The following SREBF1 variants were observed in gnomAD, a reference collection of about 807,000 sequenced individuals.
SREBF1 encodes the protein sterol regulatory element-binding protein 1.
SREBF1 carries 45 observed loss-of-function variants against 100.1 expected under a neutral mutation model. The ratio of observed to expected loss-of-function variants is 0.45; its 90% CI spans 0.35 to 0.58. The LOEUF (loss-of-function observed/expected upper bound fraction) is 0.58, where lower values mean the gene tolerates loss of function less well. Among genes scored for constraint, SREBF1 ranks in the 20% least tolerant of loss-of-function variants. The pLI is 0.00. For synonymous variants in SREBF1, 657 were observed against 681.8 expected, an observed-to-expected ratio of 0.96 and a Z score of 0.57; for missense variants, 1,324 against 1,539.4, an observed-to-expected ratio of 0.86 and a Z score of 2.34.
At chr17:17,814,012 C>G (rs1322982027) in intron 16 of SREBF1, 2 of 654,346 alleles carry the variant, frequency 3.1e-6, no homozygotes, top group Non-Finnish European at 5.2e-6. Flanking sequence ...AGGGATCCTA[C>G]CACACCATCC....
rs377073767 is a variant in SREBF1 at position 17,815,494 on chromosome 17, A to G, written c.2384-165T>C. 20 of 623,550 alleles carry G rather than the reference A, an allele frequency of 3.2e-5. No homozygotes were observed. The African/African-American group carries it at 3.7e-4, about 11-fold the overall frequency. The allele number at this position is 623,550 out of a possible 1,614,324, so 38.6% of individuals were successfully genotyped here. A position where few individuals can be genotyped will look rare whatever the true frequency, so the allele number is the denominator to read the frequency against. On this transcript the variant is annotated intron_variant, in intron 12 of 18. Transcript: ENST00000261646. The stretch of plus-strand genomic sequence containing the variant: ...CAAGGACAGGGGAAAGCGGGTGGAC[A>G]TAACTATCACCAGCACCAGCCTTGG...
At chr17:17,815,490 G>A (rs1387607518) in intron 12 of SREBF1, 161 bp from the exon 13 acceptor site, 3 of 627,926 alleles carry the variant, frequency 4.8e-6, no homozygotes, top group Non-Finnish European at 8.5e-6. Flanking sequence ...GAAAGCGGGT[G>A]GACATAACTA....
chr17:17,812,820 C>A lies in SREBF1; in HGVS notation c.3246G>T (p.Thr1082=). The change falls in exon 19 of 19, where the codon ACG becomes ACT. Residue 1082 remains threonine (T), a synonymous_variant. Coordinates refer to ENST00000261646, the MANE Select transcript of SREBF1 (RefSeq NM_004176.5). ...GCAAGGCCTCCGCGTGCTCCCGCCGCGTGGGCCGCGGCTCCAGCTCCGCCA... is the reference window on the plus strand; with the variant it reads ...GCAAGGCCTCCGCGTGCTCCCGCCGAGTGGGCCGCGGCTCCAGCTCCGCCA... ...GAVAELEPRP[T]RREHAEALLL... is the part of the protein sequence containing the mutation. 6.7e-7 allele frequency: 1 copy of A among 1,481,662 alleles called. No individual in the cohort carries two copies. Among genetic ancestry groups the A allele is most frequent in the Non-Finnish European group, 8.9e-7 (1 of 1,122,196 alleles). 91.8% of individuals were successfully genotyped at this position (1,481,662 alleles called of 1,614,324 possible).
Position 17,811,375 on chromosome 17 carries a change from TAA to T in SREBF1, c.*1245_*1246del, listed in dbSNP as rs1056711112. 8.8e-6 allele frequency: 2 copies of T among 228,270 alleles called. No homozygotes were observed. Among genetic ancestry groups the T allele is most frequent in the African/African-American group, 5.1e-5 (2 of 39,060 alleles). The allele number at this position is 228,270 out of a possible 1,614,324, so 14.1% of individuals were successfully genotyped here. ...GTTTCTAAAAGATGTTTATTTTCCT[TAA>T]GAGTAAAAAACAGTCATTGCATTCA... On this transcript the variant is annotated 3_prime_UTR_variant, in exon 19 of 19. Transcript: ENST00000261646.
At position 17,836,853 on chromosome 17, in the gene SREBF1, C is replaced by T. The variant is rs748666407; in HGVS notation, c.-36G>A. On this transcript the variant is annotated 5_prime_UTR_variant, in exon 1 of 19. Coordinates refer to ENST00000261646, the MANE Select transcript of SREBF1 (RefSeq NM_004176.5). ...CCTCCTCCGGGAGGCCCGCCGGGCC[C>T]GCCGCCTCGTACGGCCCTTCCTAGG... is the stretch of plus-strand genomic sequence containing the variant. 143 of 1,322,490 alleles carry T rather than the reference C, an allele frequency of 1.1e-4. 1 individual carries two copies. In the Middle Eastern group the frequency reaches 2.8e-3, roughly 26 times the overall value. The allele number at this position is 1,322,490 out of a possible 1,614,324, so 81.9% of individuals were successfully genotyped here.
At position 17,817,355 on chromosome 17, in the gene SREBF1, A is replaced by C; in HGVS notation, c.1507T>G (p.Leu503Val). 6.2e-7 allele frequency: 1 copy of C among 1,607,802 alleles called. No individual in the cohort carries two copies. The highest frequency in any genetic ancestry group is 8.5e-7 in the Non-Finnish European group (1 of 1,178,038). Residue 503 changes from leucine (L) to valine (V), a missense_variant, in exon 8 of 19, where the codon TTG (leucine) becomes GTG (valine). Coordinates refer to ENST00000261646, the MANE Select transcript of SREBF1 (RefSeq NM_004176.5). The surrounding 1 kb of genome is among the most constrained non-coding windows in gnomAD (Gnocchi z 6.6). ...CCCCGGGCCCCCAGCAAGGAGGCCA[A>C]GGGGTTGCAGGACAGGCAGAGGAAG... ...LVFLCLSCNP[L>V]ASLLGARGLP...
rs1025565610 is a variant in SREBF1, at chr17:17,817,196, C to T, written c.1606+60G>A. 11 of 1,611,362 alleles carry T rather than the reference C, an allele frequency of 6.8e-6. No homozygotes were observed. The highest frequency in any genetic ancestry group is 9.3e-6 in the Non-Finnish European group (11 of 1,179,248). ...CAGGAAATCCAGAGCCCCAAGTTCA[C>T]AAGCCTGGGGGCTCACCCCGAGTGT... On this transcript the variant is annotated intron_variant, in intron 8 of 18. Transcript: ENST00000261646. The surrounding 1 kb of genome is among the most constrained non-coding windows in gnomAD (Gnocchi z 6.6).
chr17:17,819,967 G>T, intron 2 of SREBF1, 123 bp downstream of exon 2: 1 of 1,223,884 alleles, frequency 8.2e-7, no homozygotes, highest in Non-Finnish European at 1.1e-6. Context: ...ATCTCAAGCA[G>T]CCGAGTGGAG....
chr17:17,817,945 G>C lies in SREBF1; in HGVS notation c.1184-29C>G, dbSNP rs755146465. 2 of 1,595,460 alleles carry C rather than the reference G, an allele frequency of 1.3e-6. No homozygotes were observed. Among genetic ancestry groups the C allele is most frequent in the African/African-American group, 1.3e-5 (1 of 74,818 alleles). Reference sequence around the variant, plus strand: ...TGGGCCGAAAGGAACAGAGCCAGGAGTAAAGGCTGGATATGTGACCCCAAA... The same window carrying C: ...TGGGCCGAAAGGAACAGAGCCAGGACTAAAGGCTGGATATGTGACCCCAAA... On this transcript the variant is annotated intron_variant, in intron 6 of 18. Coordinates refer to ENST00000261646, the MANE Select transcript of SREBF1 (RefSeq NM_004176.5). The surrounding 1 kb of genome is among the most constrained non-coding windows in gnomAD (Gnocchi z 6.6).
intron 1 of SREBF1, among the ~76,000 whole-genome samples, chr17:17,830,424 C>T (rs2034785562): frequency 6.6e-6 from 1 of 152,262 alleles, no homozygotes; most frequent in Non-Finnish European, 1.5e-5. Flanking sequence ...CCCACAATTC[C>T]AAGAAGCTGC....
In SREBF1 at chr17:17,817,063, G is replaced by A. The variant is rs1435677661; in HGVS notation, c.1680C>T (p.Ser560=). 1.2e-6 allele frequency: 2 copies of A among 1,613,174 alleles called. No individual in the cohort carries two copies. The highest frequency in any genetic ancestry group is 8.5e-7 in the Non-Finnish European group (1 of 1,180,032). The change falls in exon 9 of 19, where the codon TCC becomes TCT. Residue 560 remains serine (S), a synonymous_variant. Transcript: ENST00000261646. This position sits in a 1 kb window ranked among gnomAD's most constrained non-coding sequence, Gnocchi z 6.6. ...CACCGTAGACAAAGAGAAGCACCAA[G>A]GAGACGAGCACCAACAGCCCATTGA... ...WLLNGLLVLV[S]LVLLFVYGEP...
chr17:17,834,634 T>C (rs1363282402), intron 1 of SREBF1, among the ~76,000 whole-genome samples: 2 of 152,230 alleles, frequency 1.3e-5, no homozygotes, highest in African/African-American at 4.8e-5. Context: ...ATGCCTGGCC[T>C]TTGGTTCTGG....
At position 17,836,958 on chromosome 17, in the gene SREBF1, C is replaced by G; in HGVS notation, c.-141G>C. 1.4e-6 allele frequency: 1 copy of G among 699,540 alleles called. No individual in the cohort carries two copies. The highest frequency in any genetic ancestry group is 2.7e-5 in the South Asian group (1 of 36,762). The allele number at this position is 699,540 out of a possible 1,614,324, so 43.3% of individuals were successfully genotyped here. ...TCCTGCCCTGGCCTCAGAGGCGGCC[C>G]GGCGCCGGCGAAAAGTTCCTCGGAA... On this transcript the variant is annotated 5_prime_UTR_variant, in exon 1 of 19. Coordinates refer to ENST00000261646, the MANE Select transcript of SREBF1 (RefSeq NM_004176.5).
At chr17:17,835,528 G>T (rs2035171661) in intron 1 of SREBF1, among the ~76,000 whole-genome samples, 1 of 152,182 alleles carries the variant, frequency 6.6e-6, no homozygotes, top group African/African-American at 2.4e-5. Flanking sequence ...CCAACCCCAG[G>T]GTGGCCACGG....
chr17:17,820,278 G>A lies in SREBF1; in HGVS notation c.335C>T (p.Ser112Phe). 2 of 1,613,924 alleles carry A rather than the reference G, an allele frequency of 1.2e-6. No individual in the cohort carries two copies. Among genetic ancestry groups the A allele is most frequent in the South Asian group, 1.1e-5 (1 of 91,086 alleles). ...AGGCCCAGGGGAGAAAGCGGGCATG[G>A]ACGGGTACATCTTCAATGGAGTGGG... Reference protein sequence around the residue: ...PAPTPLKMYPSMPAFSPGPGI... With the variant: ...PAPTPLKMYPFMPAFSPGPGI... The change falls in exon 2 of 19, where the codon TCC (serine) becomes TTC (phenylalanine). Residue 112 changes from serine to phenylalanine, a missense_variant. Coordinates refer to ENST00000261646, the MANE Select transcript of SREBF1 (RefSeq NM_004176.5).
chr17:17,811,393 A>T lies in SREBF1; in HGVS notation c.*1229T>A. On this transcript the variant is annotated 3_prime_UTR_variant, in exon 19 of 19. Transcript: ENST00000261646. ...TTTTCCTTAAGAGTAAAAAACAGTC[A>T]TTGCATTCAGAAAAAAAAAAAAAAA... The T allele has an allele frequency of 5.0e-6, 1 of 201,652 alleles. No homozygotes were observed. Among genetic ancestry groups the T allele is most frequent in the Non-Finnish European group, 9.2e-6 (1 of 108,202 alleles). 12.5% of individuals were successfully genotyped at this position (201,652 alleles called of 1,614,324 possible).
Position 17,816,626 on chromosome 17 carries a change from G to GCTA in SREBF1, c.1875_1877dup (p.Ser626dup). 2 of 1,603,440 alleles carry GCTA rather than the reference G, an allele frequency of 1.2e-6. No individual in the cohort carries two copies. Among genetic ancestry groups the GCTA allele is most frequent in the Non-Finnish European group, 1.7e-6 (2 of 1,175,958 alleles). On this transcript the variant is annotated inframe_insertion, in exon 10 of 19. Coordinates refer to ENST00000261646, the MANE Select transcript of SREBF1 (RefSeq NM_004176.5). Reference sequence around the variant, plus strand: ...GGTGACGGATGAGGTTCCAGAGGAGGCTACAAGCCAGGTCCAGGTGGGAGG... The same window carrying GCTA: ...GGTGACGGATGAGGTTCCAGAGGAGGCTACTACAAGCCAGGTCCAGGTGGGAGG...
At position 17,812,730 on chromosome 17, in the gene SREBF1, C is replaced by G; in HGVS notation, c.3336G>C (p.Leu1112=). ...LSAPGQRVGM[L]AEAARTLEKL... is the part of the protein sequence containing the mutation. ...TCTCGAGTGTGCGCGCCGCCTCAGC[C>G]AGCATGCCCACGCGCTGCCCGGGCG... The change falls in exon 19 of 19, where the codon CTG becomes CTC. Residue 1112 remains leucine, a synonymous_variant. Coordinates refer to ENST00000261646, the MANE Select transcript of SREBF1 (RefSeq NM_004176.5). 1 of 1,579,278 alleles carries G rather than the reference C, an allele frequency of 6.3e-7. No homozygotes were observed. Among genetic ancestry groups the G allele is most frequent in the Admixed American group, 1.8e-5 (1 of 56,738 alleles).
rs147603937 is a variant in SREBF1 at position 17,813,395 on chromosome 17, G to A, written c.3187C>T (p.Arg1063Trp). The A allele has an allele frequency of 1.9e-4, 307 of 1,600,882 alleles. No individual in the cohort carries two copies. Among genetic ancestry groups the A allele is most frequent in the Non-Finnish European group, 2.3e-4 (274 of 1,175,310 alleles). Residue 1063 changes from arginine (R) to tryptophan (W), a missense_variant, in exon 18 of 19, where the codon CGG becomes TGG. Physicochemically the swap from Arg to Trp is moderately radical, Grantham distance 101 (BLOSUM62 -3). Coordinates refer to ENST00000261646, the MANE Select transcript of SREBF1 (RefSeq NM_004176.5). The stretch of plus-strand genomic sequence containing the variant: ...CCTTTGCCACCGGGGCCTGCCCGCC[G>A]CCTCAGACTGCGGTCGAGGAGCTGG... ...THQLLDRSLR[R>W]RAGPGGKGGA... is the part of the protein sequence containing the mutation.
Sources: gnomAD v4.1 joint callset for allele counts (sites outside exome capture counted in the v4.1 genomes callset) on GRCh38, gnomAD v4.1.1 for gene constraint, Gnocchi (gnomAD v3.1) non-coding constraint, MANE v1.5 for transcripts, NCBI Gene and HGNC (gene_info 2026-07-23, HGNC 2026-07-21) for gene names.